The following ARAP2 variants were observed in gnomAD, a reference collection of about 807,000 sequenced individuals.
The protein encoded by ARAP2 is arf-GAP with Rho-GAP domain, ANK repeat and PH domain-containing protein 2.
ARAP2 carries 148 observed loss-of-function variants against 194.5 expected under a neutral mutation model. The observed-to-expected ratio is 0.76, with a 90% CI of 0.67 to 0.87. The LOEUF (loss-of-function observed/expected upper bound fraction) is 0.87, where lower values mean the gene tolerates loss of function less well. ARAP2 is among the 40% of genes least tolerant of loss of function. The probability of loss-of-function intolerance (pLI) is 0.00; values close to 1 mark genes in which losing one functional copy is unlikely to be tolerated. For missense variants in ARAP2, 2,128 were observed against 1,989.7 expected (o/e 1.07, Z -1.32); for synonymous variants, 695 against 683.5 (o/e 1.02, Z -0.26).
chr4:36,147,612 A>T lies in ARAP2; in HGVS notation c.3135T>A (p.His1045Gln). 6.2e-7 allele frequency: 1 copy of T among 1,613,646 alleles called. No homozygotes were observed. Among genetic ancestry groups the T allele is most frequent in the East Asian group, 2.2e-5 (1 of 44,836 alleles). ...GWFAMDKSSL[H>Q]FCLQMQEVQG... ...GAACTTCTTGCATTTGAAGGCAAAA[A>T]TGCAAGCTGGATTTGTCCATAGCAA... Residue 1045 changes from histidine to glutamine, a missense_variant, in exon 18 of 33, where the codon CAT (histidine) becomes CAA (glutamine). His to Gln is a conservative substitution (Grantham distance 24). Transcript: ENST00000303965.
chr4:36,216,886 C>A (rs74993360), intron 2 of ARAP2, among the ~76,000 whole-genome samples: 1 of 152,160 alleles, frequency 6.6e-6, no homozygotes. Flanking sequence ...CATCATTTTG[C>A]AAACATCATG....
intron 24 of ARAP2, among the ~76,000 whole-genome samples, chr4:36,118,376 G>C (rs769242924): frequency 4.0e-5 from 6 of 149,814 alleles, no homozygotes; most frequent in Non-Finnish European, 7.5e-5. Flanking sequence ...ATTCAAACAG[G>C]GGTAAGACAA....
intron 26 of ARAP2, among the ~76,000 whole-genome samples, chr4:36,108,958 G>A (rs16991938): frequency 0.013 from 2,027 of 152,040 alleles, 38 homozygotes; most frequent in East Asian, 0.089. Flanking sequence ...TACCACCTGA[G>A]CTTTTTGTTT....
intron 30 of ARAP2, among the ~76,000 whole-genome samples, chr4:36,081,698 C>A (rs1729592924): frequency 6.6e-6 from 1 of 151,440 alleles, no homozygotes; most frequent in Admixed American, 6.6e-5. Context: ...CTGGAATAAT[C>A]CAGGCAGATC....
chr4:36,161,610 G>A (rs1733970614), intron 11 of ARAP2, 60 bp from the exon 12 acceptor site: 1 of 1,431,682 alleles, frequency 7.0e-7, no homozygotes, highest in African/African-American at 1.4e-5. Context: ...ATTTTACCTT[G>A]TTTTGAAAGA....
At chr4:36,008,205 G>T (rs1325512460) in intron 9 of ARAP2, among the ~76,000 whole-genome samples, 2 of 151,928 alleles carry the variant, frequency 1.3e-5, no homozygotes, top group Non-Finnish European at 2.9e-5. Context: ...TCTAAAATTT[G>T]TATGGAATCA....
intron 22 of ARAP2, 75 bp downstream of exon 22, chr4:36,124,787 C>T: frequency 1.1e-6 from 1 of 927,416 alleles, no homozygotes; most frequent in Non-Finnish European, 1.7e-6. Flanking sequence ...TAGAAAGATT[C>T]ACAATCACAT....
intron 32 of ARAP2, among the ~76,000 whole-genome samples, chr4:36,070,350 C>T (rs73225569): frequency 0.02 from 3,106 of 152,212 alleles, 56 homozygotes; most frequent in Non-Finnish European, 0.027. Context: ...ATACACTGTA[C>T]TGTCCTTAAA....
At chr4:36,147,508 GA>G (rs1489448761) in intron 18 of ARAP2, 39 bp downstream of exon 18, 13 of 1,587,986 alleles carry the variant, frequency 8.2e-6, no homozygotes, top group Non-Finnish European at 1.1e-5. Flanking sequence ...ATGCAATAAA[GA>G]AAAGTGTTCC....
chr4:36,209,796 C>G (rs2109265594), intron 6 of ARAP2, among the ~76,000 whole-genome samples: 1 of 152,270 alleles, frequency 6.6e-6, no homozygotes, highest in Non-Finnish European at 1.5e-5. Flanking sequence ...AAAGATTTCT[C>G]AGTACTGTAA....
At chr4:36,016,858 A>G (rs984110609) in intron 6 of ARAP2, among the ~76,000 whole-genome samples, 11 of 152,086 alleles carry the variant, frequency 7.2e-5, no homozygotes, top group Admixed American at 7.2e-4. Flanking sequence ...TGTCACCCTT[A>G]TTCAATGAAA....
At chr4:36,125,465 G>GAACT (rs923349403) in intron 21 of ARAP2, among the ~76,000 whole-genome samples, 70 of 152,048 alleles carry the variant, frequency 4.6e-4, no homozygotes, top group African/African-American at 1.7e-3. Flanking sequence ...CTGGAACTAT[G>GAACT]AACTGTACAG....
chr4:36,173,112 C>G (rs1737026176), intron 9 of ARAP2, among the ~76,000 whole-genome samples: 1 of 151,956 alleles, frequency 6.6e-6, no homozygotes, highest in South Asian at 2.1e-4. Flanking sequence ...AATGGATACC[C>G]AAACCCACCA....
chr4:36,116,354 G>A (rs967167403), intron 25 of ARAP2, among the ~76,000 whole-genome samples: 2 of 151,870 alleles, frequency 1.3e-5, no homozygotes, highest in Admixed American at 1.3e-4. Context: ...ATGGCAGAAT[G>A]TCTACTGTTC....
chr4:36,039,501 G>C (rs569832587), intron 5 of ARAP2, among the ~76,000 whole-genome samples: 2 of 152,174 alleles, frequency 1.3e-5, no homozygotes, highest in South Asian at 4.2e-4. Context: ...GCCCACATAG[G>C]CTTCTGCTTG....
intron 2 of ARAP2, among the ~76,000 whole-genome samples, chr4:36,223,294 T>C (rs1366228677): frequency 1.3e-5 from 2 of 152,086 alleles, no homozygotes; most frequent in Non-Finnish European, 2.9e-5. Flanking sequence ...AAATCAAAAA[T>C]ATCAATGATT....
Position 36,043,854 on chromosome 4 carries a change from AGGGGGG to A in ARAP2, n.607+2119_607+2124del, listed in dbSNP as rs1721344867. Among the ~76,000 whole-genome samples, 3 of 16,044 alleles carry A rather than the reference AGGGGGG, an allele frequency of 1.9e-4. 1 individual carries two copies. The highest frequency in any genetic ancestry group is 4.4e-4 in the Non-Finnish European group (3 of 6,830). The allele number at this position is 16,044 out of a possible 152,430, so 10.5% of individuals were successfully genotyped here. A position where few individuals can be genotyped will look rare whatever the true frequency, so the allele number is the denominator to read the frequency against. On this transcript the variant is annotated intron_variant and non_coding_transcript_variant, in intron 5 of 12. Transcript: ENST00000503225. ...GGGAGGGGAGGGGAGGGGGGAGGGG[AGGGGGG>A]AGGGGAAGGGAAGGGAAAAAGGGAA... is the stretch of plus-strand genomic sequence containing the variant.
intron 6 of ARAP2, among the ~76,000 whole-genome samples, chr4:36,017,681 T>C (rs1162110190): frequency 3.3e-5 from 5 of 150,032 alleles, no homozygotes; most frequent in African/African-American, 1.2e-4. Context: ...GTAAATCTCA[T>C]GACTGCAGTG....
At chr4:36,021,674 T>C (rs1434629354) in intron 5 of ARAP2, among the ~76,000 whole-genome samples, 2 of 152,162 alleles carry the variant, frequency 1.3e-5, no homozygotes, top group African/African-American at 2.4e-5. Flanking sequence ...TCTTAAAAAT[T>C]GTCGAGTCTC....
Sources: gnomAD v4.1 joint callset for allele counts (sites outside exome capture counted in the v4.1 genomes callset) on GRCh38, gnomAD v4.1.1 for gene constraint, MANE v1.5 for transcripts, NCBI Gene and HGNC (gene_info 2026-07-23, HGNC 2026-07-21) for gene names.